The following FAM135B variants were observed in gnomAD, a reference collection of about 807,000 sequenced individuals.
The protein encoded by FAM135B is family with sequence similarity 135 member B.
Under a neutral mutation model 127.7 loss-of-function variants are expected in FAM135B, and 43 were observed. The ratio of observed to expected loss-of-function variants is 0.34; its 90% CI spans 0.26 to 0.43. The LOEUF is 0.43. Among genes scored for constraint, FAM135B ranks in the 20% least tolerant of loss-of-function variants. The pLI is 1.00. For synonymous variants in FAM135B, 670 were observed against 665.1 expected (o/e 1.01, Z -0.11); for missense variants, 1,558 against 1,725.6 (o/e 0.90, Z 1.72).
intron 11 of FAM135B, among the ~76,000 whole-genome samples, chr8:138,175,655 G>C (rs542984371): frequency 7.2e-5 from 11 of 152,292 alleles, no homozygotes; most frequent in African/African-American, 2.6e-4. Context: ...CACTACGAAA[G>C]GCAGTTTGTC....
intron 3 of FAM135B, among the ~76,000 whole-genome samples, chr8:138,272,673 G>C (rs1270529841): frequency 1.3e-5 from 2 of 152,184 alleles, no homozygotes; most frequent in East Asian, 3.8e-4. Context: ...AACATGTATT[G>C]CTCTATAATC....
chr8:138,146,720 C>T (rs536656759), intron 14 of FAM135B, among the ~76,000 whole-genome samples: 14 of 152,174 alleles, frequency 9.2e-5, no homozygotes, highest in East Asian at 5.8e-4. Flanking sequence ...GGATTTACTA[C>T]GACAGAATAA....
chr8:138,227,667 A>T (rs1053212347), intron 7 of FAM135B, among the ~76,000 whole-genome samples: 5 of 149,642 alleles, frequency 3.3e-5, no homozygotes, highest in African/African-American at 1.2e-4. Context: ...CATCCATCAC[A>T]TCTAGAAGTT....
chr8:138,396,251 C>A (rs762938334), intron 1 of FAM135B, among the ~76,000 whole-genome samples: 1 of 152,090 alleles, frequency 6.6e-6, no homozygotes, highest in African/African-American at 2.4e-5. Context: ...CATCCTTGAC[C>A]GTGTCTGCAT....
chr8:138,395,680 A>G (rs922666495), intron 1 of FAM135B, among the ~76,000 whole-genome samples: 8 of 152,180 alleles, frequency 5.3e-5, no homozygotes, highest in African/African-American at 1.9e-4. Context: ...CTGGATATGC[A>G]AAGGTAAAAG....
Position 138,132,890 on chromosome 8 carries a change from C to A in FAM135B, c.4016-92G>T. The A allele has an allele frequency of 9.0e-7, 1 of 1,108,910 alleles. No homozygotes were observed. The highest frequency in any genetic ancestry group is 1.4e-6 in the Non-Finnish European group (1 of 729,844). 68.7% of individuals were successfully genotyped at this position (1,108,910 alleles called of 1,614,324 possible). A position where few individuals can be genotyped will look rare whatever the true frequency, so the allele number is the denominator to read the frequency against. On this transcript the variant is annotated intron_variant, in intron 19 of 19. Transcript: ENST00000395297. This position sits in a 1 kb window ranked among gnomAD's most constrained non-coding sequence, Gnocchi z 4.5. ...CTAGATGTGTGTCGAAATTCTGTTCCTGGGCAGACCTGTTATACAGCAGTT... is the reference window on the plus strand; with the variant it reads ...CTAGATGTGTGTCGAAATTCTGTTCATGGGCAGACCTGTTATACAGCAGTT...
At chr8:138,202,415 A>T (rs1408084687) in intron 7 of FAM135B, among the ~76,000 whole-genome samples, 1 of 151,978 alleles carries the variant, frequency 6.6e-6, no homozygotes, top group Non-Finnish European at 1.5e-5. Flanking sequence ...ACACTTGGCT[A>T]ATGTTTTAAT....
At chr8:138,295,886 TA>T (rs924620823) in intron 3 of FAM135B, among the ~76,000 whole-genome samples, 2 of 151,858 alleles carry the variant, frequency 1.3e-5, no homozygotes, top group Non-Finnish European at 2.9e-5. Context: ...AGGAAATAAA[TA>T]AAAAAATTGA....
chr8:138,151,927 C>T lies in FAM135B; in HGVS notation c.2548G>A (p.Gly850Arg), dbSNP rs2130748863. ...TGAGCATCAAACTGCTTCCCTTTCC[C>T]TTTGGGGATGTCTATGTATCCGGGG... ...QGPGYIDIPK[G>R]KGKQFDAQGH... Residue 850 changes from glycine (G) to arginine (R), a missense_variant, in exon 13 of 20, where the codon GGG becomes AGG. Gly to Arg is a moderately radical substitution (Grantham distance 125, BLOSUM62 -2). Around this residue, in one of 5 missense-constraint regions of FAM135B, gnomAD observed 923 missense variants for 865.3 expected, o/e 1.07. Transcript: ENST00000395297. The T allele has an allele frequency of 1.2e-6, 2 of 1,614,182 alleles. No individual in the cohort carries two copies. Among genetic ancestry groups the T allele is most frequent in the Non-Finnish European group, 1.7e-6 (2 of 1,180,042 alleles).
rs537064503 is a variant in FAM135B, at chr8:138,280,437, G to A, written c.158-14595C>T. Among the ~76,000 whole-genome samples, 3 of 152,160 alleles carry A rather than the reference G, an allele frequency of 2.0e-5. No individual in the cohort carries two copies. The East Asian group carries it at 5.8e-4, about 29-fold the overall frequency. The stretch of plus-strand genomic sequence containing the variant: ...GGCAACCACCAAGTTTGCTGTTTAG[G>A]CTCCAGGGCCACAATCGGCTGGCCC... On this transcript the variant is annotated intron_variant, in intron 3 of 19. Transcript: ENST00000395297.
chr8:138,148,478 T>C lies in FAM135B; in HGVS notation c.3448+42A>G, dbSNP rs202000249. ...TAATACATAAATATTATAAGTTGTA[T>C]ATATGACAGAATTTGGGAAGAAAAC... On this transcript the variant is annotated intron_variant, in intron 14 of 19. Transcript: ENST00000395297. 4.5e-4 allele frequency: 687 copies of C among 1,527,696 alleles called. 3 individuals carry two copies. In the African/African-American group the frequency reaches 6.7e-3, roughly 15 times the overall value. The allele number at this position is 1,527,696 out of a possible 1,614,324, so 94.6% of individuals were successfully genotyped here. A position where few individuals can be genotyped will look rare whatever the true frequency, so the allele number is the denominator to read the frequency against.
intron 3 of FAM135B, among the ~76,000 whole-genome samples, chr8:138,276,170 A>G (rs997672585): frequency 2.6e-5 from 4 of 152,212 alleles, no homozygotes; most frequent in Admixed American, 2.6e-4. Context: ...TCCTGCTAAT[A>G]AGTCATCAGG....
At chr8:138,164,456 A>G (rs1023670579) in intron 12 of FAM135B, among the ~76,000 whole-genome samples, 5 of 152,180 alleles carry the variant, frequency 3.3e-5, no homozygotes, top group African/African-American at 1.2e-4. Context: ...TGTGAAAGGA[A>G]AATATCTTGA....
chr8:138,360,080 T>C (rs1001869527), intron 2 of FAM135B, among the ~76,000 whole-genome samples: 1 of 152,034 alleles, frequency 6.6e-6, no homozygotes, highest in African/African-American at 2.4e-5. Flanking sequence ...AAATGATATG[T>C]AAAGAAGGAG....
chr8:138,138,979 C>T lies in FAM135B; in HGVS notation c.3901+7G>A. ...TCATAACTGCAGCTGTGGGGGAAAC[C>T]ACTGACCTGTTTTTTGGCTTAGTTG... On this transcript the variant is annotated splice_region_variant and intron_variant, in intron 18 of 19. Coordinates refer to ENST00000395297, the MANE Select transcript of FAM135B (RefSeq NM_015912.4). The T allele has an allele frequency of 6.3e-7, 1 of 1,576,734 alleles. No homozygotes were observed. The highest frequency in any genetic ancestry group is 8.7e-7 in the Non-Finnish European group (1 of 1,146,012).
At chr8:138,340,288 CAGAAAGAA>C (rs146373088) in intron 2 of FAM135B, among the ~76,000 whole-genome samples, 3 of 152,178 alleles carry the variant, frequency 2.0e-5, no homozygotes, top group Admixed American at 2.0e-4. Context: ...ACGATACAAA[CAGAAAGAA>C]AGAAAGAAAT....
intron 12 of FAM135B, among the ~76,000 whole-genome samples, chr8:138,164,821 G>A (rs929328575): frequency 2.0e-5 from 3 of 152,178 alleles, no homozygotes; most frequent in Admixed American, 6.5e-5. Flanking sequence ...CTGTGTCACG[G>A]GTGCATGTCC....
chr8:138,450,033 A>C (rs1258571519), intron 1 of FAM135B, among the ~76,000 whole-genome samples: 1 of 152,116 alleles, frequency 6.6e-6, no homozygotes, highest in Non-Finnish European at 1.5e-5. Context: ...TTCCCTCTCT[A>C]CCTGCTGACA....
chr8:138,386,883 A>G (rs1330207275), intron 1 of FAM135B, among the ~76,000 whole-genome samples: 1 of 152,146 alleles, frequency 6.6e-6, no homozygotes, highest in Non-Finnish European at 1.5e-5. Context: ...CGGGAGTTCA[A>G]GACAGGGAAG....
Sources: gnomAD v4.1 joint callset for allele counts (sites outside exome capture counted in the v4.1 genomes callset) on GRCh38, gnomAD v4.1.1 for gene constraint, gnomAD v4.1.1 regional missense constraint, Gnocchi (gnomAD v3.1) non-coding constraint, MANE v1.5 for transcripts, NCBI Gene and HGNC (gene_info 2026-07-23, HGNC 2026-07-21) for gene names.